TXNDC11: variants seen among roughly 807,000 people sequenced by gnomAD.
The protein encoded by TXNDC11 is thioredoxin domain containing 11.
TXNDC11 carries 68 observed loss-of-function variants against 78.0 expected under a neutral mutation model. The ratio of observed to expected loss-of-function variants is 0.87; its 90% CI spans 0.72 to 1.07. The LOEUF (loss-of-function observed/expected upper bound fraction) is 1.07. Ranked by LOEUF, TXNDC11 falls within the 50% of genes least tolerant of loss-of-function variation. The pLI, the probability that TXNDC11 is intolerant of heterozygous loss-of-function variation, is 0.00. For synonymous variants in TXNDC11, 571 were observed against 495.2 expected (o/e 1.15, Z -2.03); for missense variants, 1,389 against 1,221.8 (o/e 1.14, Z -2.04).
At chr16:11,702,092 GTATATATA>G (rs35673646) in intron 5 of TXNDC11, among the ~76,000 whole-genome samples, 3 of 144,336 alleles carry the variant, frequency 2.1e-5, no homozygotes, top group African/African-American at 5.1e-5. Flanking sequence ...GTATGTATGT[GTATATATA>G]TATATATATA....
At chr16:11,736,572 C>T (rs1391221430) in intron 1 of TXNDC11, among the ~76,000 whole-genome samples, 4 of 152,204 alleles carry the variant, frequency 2.6e-5, no homozygotes, top group Non-Finnish European at 1.5e-5. Context: ...AGCCACTTAT[C>T]TCCAGGGCTT....
intron 7 of TXNDC11, among the ~76,000 whole-genome samples, chr16:11,694,096 G>GTT (rs2050791738): frequency 9.1e-6 from 1 of 110,402 alleles, no homozygotes; most frequent in African/African-American, 4.2e-5. Context: ...CTACAGCAAT[G>GTT]CTTTTTTTTT....
At chr16:11,733,891 A>T in intron 3 of TXNDC11, 91 bp downstream of exon 3, 2 of 850,498 alleles carry the variant, frequency 2.4e-6, no homozygotes, top group Non-Finnish European at 3.8e-6. Flanking sequence ...TATAGTGAAT[A>T]TCTAATACTT....
chr16:11,724,600 TAAAATA>T (rs1199916973), intron 4 of TXNDC11, among the ~76,000 whole-genome samples: 5 of 152,090 alleles, frequency 3.3e-5, no homozygotes, highest in African/African-American at 1.2e-4. Flanking sequence ...CTCATCTCTA[TAAAATA>T]AAAATAAAAA....
rs998052832 is a variant in TXNDC11 at position 11,742,850 on chromosome 16, T to C, written c.-120A>G. 4.6e-6 allele frequency: 6 copies of C among 1,309,508 alleles called. No individual in the cohort carries two copies. Among genetic ancestry groups the C allele is most frequent in the South Asian group, 2.1e-5 (1 of 46,864 alleles). The allele number at this position is 1,309,508 out of a possible 1,614,324, so 81.1% of individuals were successfully genotyped here. On this transcript the variant is annotated 5_prime_UTR_variant, in exon 1 of 12. Coordinates refer to ENST00000283033, the MANE Select transcript of TXNDC11 (RefSeq NM_015914.7). The stretch of plus-strand genomic sequence containing the variant: ...CACCCGCTAACCCGGACGCTCCACG[T>C]CAGCCGCGCCGCCGCCGCGGGGTCC...
chr16:11,740,807 A>G (rs1452957764), intron 1 of TXNDC11, among the ~76,000 whole-genome samples: 3 of 152,382 alleles, frequency 2.0e-5, no homozygotes, highest in South Asian at 2.1e-4. Flanking sequence ...ACTGGGAAAG[A>G]TAACAGTATA....
intron 7 of TXNDC11, among the ~76,000 whole-genome samples, chr16:11,695,991 A>T (rs1011177687): frequency 1.3e-5 from 2 of 151,130 alleles, no homozygotes; most frequent in Admixed American, 6.6e-5. Context: ...ATGCCACTGT[A>T]CTCCAACCTG....
intron 5 of TXNDC11, among the ~76,000 whole-genome samples, chr16:11,712,076 C>A (rs901855197): frequency 1.8e-4 from 28 of 152,094 alleles, no homozygotes; most frequent in African/African-American, 6.5e-4. Flanking sequence ...GGAGTCTTAT[C>A]AACTTCCAAA....
chr16:11,718,299 G>A (rs1421484396), intron 5 of TXNDC11, among the ~76,000 whole-genome samples: 2 of 152,144 alleles, frequency 1.3e-5, no homozygotes, highest in African/African-American at 2.4e-5. Context: ...GCAGGGGAAA[G>A]GCATGTGTAT....
At position 11,691,782 on chromosome 16, in the gene TXNDC11, C is replaced by T. The variant is rs1275107431; in HGVS notation, c.1408G>A (p.Ala470Thr). ...TTGAGGTAGAAAGAATCCAGAGCTG[C>T]TGCCATTTCAAAAAAGCTGCACTGT... is the stretch of plus-strand genomic sequence containing the variant. ...VPQCSFFEMA[A>T]ALDSFYLKEQ... Residue 470 changes from alanine to threonine, a missense_variant, in exon 8 of 12, where the codon GCA becomes ACA. Coordinates refer to ENST00000283033, the MANE Select transcript of TXNDC11 (RefSeq NM_015914.7). The T allele has an allele frequency of 1.2e-6, 2 of 1,614,250 alleles. No homozygotes were observed. Among genetic ancestry groups the T allele is most frequent in the South Asian group, 2.2e-5 (2 of 91,088 alleles).
chr16:11,683,011 T>C (rs915127781), intron 11 of TXNDC11, among the ~76,000 whole-genome samples: 3 of 152,296 alleles, frequency 2.0e-5, no homozygotes, highest in Middle Eastern at 3.4e-3. Flanking sequence ...GGGAACTCCC[T>C]AAATGATGCT....
At chr16:11,714,466 C>A (rs2051465751) in intron 5 of TXNDC11, among the ~76,000 whole-genome samples, 1 of 152,082 alleles carries the variant, frequency 6.6e-6, no homozygotes, top group South Asian at 2.1e-4. Context: ...GGTGAAACCC[C>A]GTCTCTACTA....
chr16:11,706,107 G>C (rs935056644), intron 5 of TXNDC11, among the ~76,000 whole-genome samples: 1 of 151,990 alleles, frequency 6.6e-6, no homozygotes, highest in East Asian at 1.9e-4. Flanking sequence ...TATCCCATTC[G>C]ATTAAAAAAA....
chr16:11,728,338 T>C (rs2051946484), intron 4 of TXNDC11, among the ~76,000 whole-genome samples: 1 of 152,152 alleles, frequency 6.6e-6, no homozygotes, highest in Non-Finnish European at 1.5e-5. Flanking sequence ...TAAAGTACTA[T>C]CTATCTCTTG....
At chr16:11,715,372 A>G (rs2051498121) in intron 5 of TXNDC11, among the ~76,000 whole-genome samples, 1 of 151,800 alleles carries the variant, frequency 6.6e-6, no homozygotes, top group Non-Finnish European at 1.5e-5. Context: ...GCTACTCAGA[A>G]GGCTGAGGCA....
At chr16:11,697,398 C>T (rs1461008055) in intron 7 of TXNDC11, among the ~76,000 whole-genome samples, 7 of 152,176 alleles carry the variant, frequency 4.6e-5, no homozygotes, top group Non-Finnish European at 2.9e-5. Flanking sequence ...AAAATAAAAA[C>T]CTCAGTAAAT....
At chr16:11,681,121 G>A (rs866689985) in intron 11 of TXNDC11, among the ~76,000 whole-genome samples, 2 of 152,164 alleles carry the variant, frequency 1.3e-5, no homozygotes, top group Non-Finnish European at 2.9e-5. Context: ...GCAGTGAGCC[G>A]TAATTGCACC....
Position 11,687,869 on chromosome 16 carries a change from A to C in TXNDC11, c.2141T>G (p.Phe714Cys). 1.9e-6 allele frequency: 3 copies of C among 1,612,658 alleles called. No individual in the cohort carries two copies. Among genetic ancestry groups the C allele is most frequent in the Non-Finnish European group, 2.5e-6 (3 of 1,178,854 alleles). The change falls in exon 10 of 12, where the codon TTC (phenylalanine) becomes TGC (cysteine). Residue 714 changes from phenylalanine (F) to cysteine (C), a missense_variant. Physicochemically the swap from Phe to Cys is radical, Grantham distance 205. Coordinates refer to ENST00000283033, the MANE Select transcript of TXNDC11 (RefSeq NM_015914.7). ...GAGGCCTGCTTACCTTGCCACAGTG[A>C]ATGTGTCCATGGGCAGGTTCCGAGC... ...QLARNLPMDT[F>C]TVARIDVSQN...
intron 10 of TXNDC11, among the ~76,000 whole-genome samples, chr16:11,684,981 A>G (rs1009811866): frequency 1.3e-5 from 2 of 152,366 alleles, no homozygotes; most frequent in Middle Eastern, 3.4e-3. Flanking sequence ...TTACCTTGAC[A>G]GAAGTTTTTA....
Sources: gnomAD v4.1 joint callset for allele counts (sites outside exome capture counted in the v4.1 genomes callset) on GRCh38, gnomAD v4.1.1 for gene constraint, MANE v1.5 for transcripts, NCBI Gene and HGNC (gene_info 2026-07-23, HGNC 2026-07-21) for gene names.